GTPBP6: variants seen among roughly 807,000 people sequenced by gnomAD.
GTPBP6 encodes the protein GTP binding protein 6, also known as putative GTP-binding protein 6.
GTPBP6 carries 33 observed loss-of-function variants against 28.9 expected under a neutral mutation model. The ratio of observed to expected loss-of-function variants is 1.14; its 90% CI spans 0.87 to 1.53. The LOEUF is 1.53. Ranked by LOEUF, GTPBP6 falls within the 40% of genes most tolerant of loss-of-function variation. The pLI is 0.00. For synonymous variants in GTPBP6, 231 were observed against 192.7 expected, an observed-to-expected ratio of 1.20 and a Z score of -1.65; for missense variants, 507 against 408.3, an observed-to-expected ratio of 1.24 and a Z score of -2.08.
At chrX:305,031 A>C in exon 10 of GTPBP6, 1 of 1,605,398 alleles carries the variant, frequency 6.2e-7, no homozygotes, top group East Asian at 2.2e-5. Flanking sequence ...TCAGCTCCCC[A>C]GGCAGCGATG....
chrX:308,602 C>G (rs140148506), intron 7 of GTPBP6, among the ~76,000 whole-genome samples: 2,605 of 151,970 alleles, frequency 0.017, 61 homozygotes, highest in African/African-American at 0.059. Context: ...ATCACTTGAG[C>G]CCAGGAGGTC....
chrX:305,545 T>A lies in GTPBP6; in HGVS notation c.1428-348A>T, dbSNP rs761480605. Among the ~76,000 whole-genome samples the A allele has an allele frequency of 2.6e-3, 394 of 150,844 alleles. 10 individuals are homozygous for A. The highest frequency in any genetic ancestry group is 0.01 in the Middle Eastern group (3 of 292). ...ACCGTGTTAGCCAGGATGGTCTCGATCTCCTGACTTCGTGATCCACCCGCC... is the reference window on the plus strand; with the variant it reads ...ACCGTGTTAGCCAGGATGGTCTCGAACTCCTGACTTCGTGATCCACCCGCC... On this transcript the variant is annotated intron_variant, in intron 9 of 9. Coordinates refer to ENST00000326153, the Ensembl canonical transcript of GTPBP6.
chrX:316,994 A>T (rs1390198491), exon 2 of GTPBP6: 6 of 398,418 alleles, frequency 1.5e-5, no homozygotes, highest in Non-Finnish European at 2.7e-5. Flanking sequence ...TGTCTGCACC[A>T]CGGACCAGCC....
At chrX:312,038 G>A (rs1463240267) in intron 6 of GTPBP6, 2 of 466,376 alleles carry the variant, frequency 4.3e-6, no homozygotes, top group Non-Finnish European at 8.3e-6. Flanking sequence ...ATACGGCAGT[G>A]GTGCCGGTGT....
intron 7 of GTPBP6, among the ~76,000 whole-genome samples, 179 bp downstream of exon 7, chrX:311,239 GT>G (rs771654726): frequency 0.031 from 3,115 of 99,206 alleles, 276 homozygotes; most frequent in African/African-American, 0.11. Flanking sequence ...TGAGTGCCTG[GT>G]CCCCGTGCCC....
chrX:305,165 A>G, exon 10 of GTPBP6: 1 of 1,613,588 alleles, frequency 6.2e-7, no homozygotes, highest in Non-Finnish European at 8.5e-7. Flanking sequence ...GATCACGTCC[A>G]CCTCCTGAAC....
chrX:318,495 A>C (rs2070482007), exon 1 of GTPBP6: 1 of 398,080 alleles, frequency 2.5e-6, no homozygotes, highest in African/African-American at 2.1e-5. Context: ...AACCAGACAC[A>C]CGCGCTGGGT....
chrX:317,727 C>CCCCACGGACCCCACGGGCCCCACCCCAT, intron 1 of GTPBP6, among the ~76,000 whole-genome samples: 1 of 138,020 alleles, frequency 7.2e-6, no homozygotes, highest in African/African-American at 2.7e-5. Flanking sequence ...CCCCACCCCA[C>CCCCACGGACCCCACGGGCCCCACCCCAT]CCCACGGACC....
At chrX:316,837 A>G in intron 2 of GTPBP6, 77 bp downstream of exon 2, 4 of 398,708 alleles carry the variant, frequency 1.0e-5, no homozygotes, top group Non-Finnish European at 1.8e-5. Context: ...GTACTTCAGC[A>G]TGTCTCGGTT....
exon 5 of GTPBP6, chrX:314,168 G>C (rs375716542): frequency 6.2e-7 from 1 of 1,612,648 alleles, no homozygotes; most frequent in South Asian, 1.1e-5. Context: ...ATGATGTAGC[G>C]CGAGCCGACT....
At chrX:309,245 A>G (rs1350337676) in intron 7 of GTPBP6, among the ~76,000 whole-genome samples, 1 of 152,156 alleles carries the variant, frequency 6.6e-6, no homozygotes, top group Non-Finnish European at 1.5e-5. Context: ...ATGCACTTGG[A>G]AAGTCTACGG....
intron 5 of GTPBP6, among the ~76,000 whole-genome samples, 175 bp downstream of exon 5, chrX:313,975 C>A (rs1406939912): frequency 6.6e-6 from 1 of 152,084 alleles, no homozygotes; most frequent in Non-Finnish European, 1.5e-5. Context: ...AGCCAGCCCC[C>A]ACCCTGTTGG....
At chrX:309,258 C>G (rs780595274) in intron 7 of GTPBP6, among the ~76,000 whole-genome samples, 1 of 152,254 alleles carries the variant, frequency 6.6e-6, no homozygotes, top group South Asian at 2.1e-4. Context: ...GTCTACGGTA[C>G]GGATGGAGTG....
At chrX:305,532 A>G (rs76192934) in intron 9 of GTPBP6, among the ~76,000 whole-genome samples, 51,561 of 149,954 alleles carry the variant, frequency 0.34, 9,508 homozygotes, top group South Asian at 0.53. Context: ...CGTGTTAGCC[A>G]GGATGGTCTC....
chrX:305,055 G>T (rs370546265), exon 10 of GTPBP6: 1 of 1,610,708 alleles, frequency 6.2e-7, no homozygotes, highest in East Asian at 2.2e-5. Flanking sequence ...CCACCCCGCA[G>T]GCCTCTGTGG....
At chrX:314,241 C>G (rs375175035) in intron 4 of GTPBP6, 24 bp from the exon 5 acceptor site, 2 of 1,593,680 alleles carry the variant, frequency 1.3e-6, no homozygotes, top group Non-Finnish European at 8.6e-7. Context: ...GGGAGTGGCT[C>G]GGTCTCTGCG....
intron 6 of GTPBP6, 21 bp downstream of exon 6, chrX:312,745 C>T: frequency 1.3e-6 from 2 of 1,591,932 alleles, no homozygotes; most frequent in Non-Finnish European, 1.7e-6. Flanking sequence ...CGGAAGGCCC[C>T]TCCCCTGGGC....
chrX:317,591 C>T (rs1269613629), intron 1 of GTPBP6, among the ~76,000 whole-genome samples: 1 of 150,026 alleles, frequency 6.7e-6, no homozygotes, highest in South Asian at 2.1e-4. Flanking sequence ...CAGATTGGTC[C>T]GCTGGACGCC....
intron 1 of GTPBP6, among the ~76,000 whole-genome samples, chrX:317,933 C>A (rs1453661659): frequency 1.3e-5 from 2 of 148,210 alleles, no homozygotes; most frequent in African/African-American, 5.0e-5. Flanking sequence ...CTATGAGATC[C>A]TCCCTTCAGA....
Sources: allele counts gnomAD v4.1 joint callset (sites outside exome capture counted in the v4.1 genomes callset), GRCh38; gene constraint gnomAD v4.1.1; transcripts MANE v1.5; gene names NCBI Gene and HGNC (gene_info 2026-07-23, HGNC 2026-07-21).